The following CACNA1B variants were observed in gnomAD, a reference collection of about 807,000 sequenced individuals.
CACNA1B encodes the protein calcium voltage-gated channel subunit alpha1 B, also known as voltage-dependent N-type calcium channel subunit alpha-1B.
In CACNA1B, 70 loss-of-function variants were observed where a neutral mutation model predicts 247.2. That is an observed-to-expected ratio of 0.28 (90% confidence interval 0.23 to 0.35). The LOEUF is 0.35. CACNA1B is among the 10% of genes least tolerant of loss of function. The pLI, the probability that CACNA1B is intolerant of heterozygous loss-of-function variation, is 1.00. For synonymous variants in CACNA1B, 1,231 were observed against 1,294.4 expected (o/e 0.95, Z 1.05); for missense variants, 2,367 against 3,197.4 (o/e 0.74, Z 6.26).
rs140273102 is a variant in CACNA1B, at chr9:138,062,189, A to G, written c.4668+2452A>G. Among the ~76,000 whole-genome samples the G allele has an allele frequency of 2.4e-3, 361 of 152,224 alleles. 1 individual carries two copies. The highest frequency in any genetic ancestry group is 4.0e-3 in the Non-Finnish European group (275 of 68,012). The stretch of plus-strand genomic sequence containing the variant: ...CCTAGGACCCTGTTATCCTCAGCAC[A>G]GGCAACTTGTTTTCCCCCCCACACA... On this transcript the variant is annotated intron_variant, in intron 31 of 46. Coordinates refer to ENST00000371372, the MANE Select transcript of CACNA1B (RefSeq NM_000718.4).
chr9:137,980,836 T>A (rs1193344112), intron 12 of CACNA1B, among the ~76,000 whole-genome samples: 1 of 152,232 alleles, frequency 6.6e-6, no homozygotes, highest in Non-Finnish European at 1.5e-5. Context: ...AAATACATGT[T>A]ATTTTTTTTA....
intron 10 of CACNA1B, among the ~76,000 whole-genome samples, chr9:137,969,232 T>C (rs894668105): frequency 7.2e-5 from 11 of 152,240 alleles, no homozygotes; most frequent in African/African-American, 2.7e-4. Flanking sequence ...CTCAGTCCCC[T>C]GGCTCTGGCG....
Position 138,057,007 on chromosome 9 carries a change from C to T in CACNA1B, c.3969-725C>T, listed in dbSNP as rs1438387991. On this transcript the variant is annotated intron_variant, in intron 26 of 46. Coordinates refer to ENST00000371372, the MANE Select transcript of CACNA1B (RefSeq NM_000718.4). The surrounding 1 kb of genome is among the most constrained non-coding windows in gnomAD (Gnocchi z 4.0). ...CTGGAGTGCAGTGGCGCGATCTCGG[C>T]TCACTGCAGGCTCCACCTCCCGGGT... Among the ~76,000 whole-genome samples, 1 of 146,072 alleles carries T rather than the reference C, an allele frequency of 6.8e-6. No individual in the cohort carries two copies. The highest frequency in any genetic ancestry group is 1.5e-5 in the Non-Finnish European group (1 of 67,508).
chr9:137,986,054 T>C lies in CACNA1B; in HGVS notation c.1770-359T>C, dbSNP rs918061977. 6.6e-6 allele frequency among the ~76,000 whole-genome samples: 1 copy of C among 152,140 alleles called. No homozygotes were observed. The highest frequency in any genetic ancestry group is 2.4e-5 in the African/African-American group (1 of 41,434). Reference sequence around the variant, plus strand: ...TCACATGGCACTGGTCTGAGACACTTGGTGGCTGACTGGGTGTTGAGGAGT... The same window carrying C: ...TCACATGGCACTGGTCTGAGACACTCGGTGGCTGACTGGGTGTTGAGGAGT... On this transcript the variant is annotated intron_variant, in intron 13 of 46. Coordinates refer to ENST00000371372, the MANE Select transcript of CACNA1B (RefSeq NM_000718.4). The surrounding 1 kb of genome is among the most constrained non-coding windows in gnomAD (Gnocchi z 6.0).
intron 3 of CACNA1B, among the ~76,000 whole-genome samples, chr9:137,905,366 A>T (rs1473796482): frequency 6.6e-6 from 1 of 152,126 alleles, no homozygotes; most frequent in Non-Finnish European, 1.5e-5. Context: ...AAAAAAAAAA[A>T]AACTTTTAGA....
chr9:138,090,531 A>G (rs1960840234), intron 36 of CACNA1B, among the ~76,000 whole-genome samples: 2 of 152,054 alleles, frequency 1.3e-5, no homozygotes, highest in South Asian at 4.1e-4. Flanking sequence ...GAGCACAGGC[A>G]ACCAAAGCAC....
Position 138,011,057 on chromosome 9 carries a change from C to G in CACNA1B, c.2160+980C>G, listed in dbSNP as rs1958717958. Among the ~76,000 whole-genome samples the G allele has an allele frequency of 6.6e-6, 1 of 152,206 alleles. No individual in the cohort carries two copies. The highest frequency in any genetic ancestry group is 6.5e-5 in the Admixed American group (1 of 15,290). On this transcript the variant is annotated intron_variant, in intron 17 of 46. Coordinates refer to ENST00000371372, the MANE Select transcript of CACNA1B (RefSeq NM_000718.4). The surrounding 1 kb of genome is among the most constrained non-coding windows in gnomAD (Gnocchi z 4.2). ...TGCTTCTGCTCAGCCTTCTTACTCC[C>G]ACGCCTCCAGACCTGGGCCATGGCC...
At chr9:137,999,331 A>T (rs1351856285) in intron 15 of CACNA1B, among the ~76,000 whole-genome samples, 1 of 152,214 alleles carries the variant, frequency 6.6e-6, no homozygotes, top group East Asian at 1.9e-4. Flanking sequence ...GTCATTTAAT[A>T]TCTTTCCCAT....
intron 10 of CACNA1B, among the ~76,000 whole-genome samples, chr9:137,967,795 C>G (rs1455241027): frequency 6.6e-6 from 1 of 152,200 alleles, no homozygotes; most frequent in Non-Finnish European, 1.5e-5. Context: ...ACTGCAGGCT[C>G]AGGGCCCCTC....
In CACNA1B at chr9:138,052,053, G is replaced by A. The variant is rs1444378253; in HGVS notation, c.3711-39G>A. 2.5e-6 allele frequency: 3 copies of A among 1,221,626 alleles called. No individual in the cohort carries two copies. The highest frequency in any genetic ancestry group is 4.7e-5 in the East Asian group (2 of 42,324). The allele number at this position is 1,221,626 out of a possible 1,614,324, so 75.7% of individuals were successfully genotyped here. A position where few individuals can be genotyped will look rare whatever the true frequency, so the allele number is the denominator to read the frequency against. On this transcript the variant is annotated intron_variant, in intron 24 of 46. Transcript: ENST00000371372. The surrounding 1 kb of genome is among the most constrained non-coding windows in gnomAD (Gnocchi z 5.1). Reference sequence around the variant, plus strand: ...CCACGTGGGAGCTGGGCACACCCATGCCTCCTGCCTGTCTGCATCTGTGGC... The same window carrying A: ...CCACGTGGGAGCTGGGCACACCCATACCTCCTGCCTGTCTGCATCTGTGGC...
At chr9:137,903,342 A>G (rs1288895276) in intron 3 of CACNA1B, among the ~76,000 whole-genome samples, 1 of 152,112 alleles carries the variant, frequency 6.6e-6, no homozygotes, top group Non-Finnish European at 1.5e-5. Flanking sequence ...GCCGAGATTG[A>G]GCCACTGCAC....
chr9:138,067,931 C>T lies in CACNA1B; in HGVS notation c.4669-1827C>T, dbSNP rs149914773. 3.2e-4 allele frequency among the ~76,000 whole-genome samples: 48 copies of T among 152,316 alleles called. No homozygotes were observed. In the East Asian group the frequency reaches 8.9e-3, roughly 28 times the overall value. On this transcript the variant is annotated intron_variant, in intron 31 of 46. Transcript: ENST00000371372. ...CAAACAGAGGCATCTGAGTGCCCAT[C>T]GGTAACAGAATGTGCCAGTTGTTAG... is the stretch of plus-strand genomic sequence containing the variant.
chr9:138,089,609 A>G (rs1435263968), intron 36 of CACNA1B, among the ~76,000 whole-genome samples: 1 of 152,216 alleles, frequency 6.6e-6, no homozygotes, highest in African/African-American at 2.4e-5. Context: ...CACTTTCACA[A>G]CTTTTATTCA....
At chr9:138,118,584 T>G in intron 43 of CACNA1B, 68 bp from the exon 44 acceptor site, 1 of 759,478 alleles carries the variant, frequency 1.3e-6, no homozygotes, top group East Asian at 2.8e-5. Flanking sequence ...ATGGAGTGAG[T>G]CCGGGGTGGG....
chr9:137,894,302 ATTTTTTTT>A (rs56794355), intron 3 of CACNA1B, among the ~76,000 whole-genome samples: 14 of 96,074 alleles, frequency 1.5e-4, no homozygotes, highest in African/African-American at 4.6e-4. Flanking sequence ...TTGTCTCTGT[ATTTTTTTT>A]TTTTTTTTTT....
At chr9:138,000,160 G>A (rs1357143929) in intron 15 of CACNA1B, among the ~76,000 whole-genome samples, 2 of 150,498 alleles carry the variant, frequency 1.3e-5, no homozygotes, top group South Asian at 2.1e-4. Context: ...GTGCAGTGGT[G>A]CGATCTCGGC....
intron 31 of CACNA1B, among the ~76,000 whole-genome samples, chr9:138,061,548 G>A (rs1399254070): frequency 6.6e-6 from 1 of 152,160 alleles, no homozygotes; most frequent in Non-Finnish European, 1.5e-5. Context: ...TGCCTTTAAG[G>A]TCAGGGCAGC....
At position 138,023,787 on chromosome 9, in the gene CACNA1B, A is replaced by C. The variant is rs1415231278; in HGVS notation, c.3044A>C (p.Lys1015Thr). The change falls in exon 19 of 47, where the codon AAG (lysine) becomes ACG (threonine). Residue 1015 changes from lysine (K) to threonine (T), a missense_variant. Coordinates refer to ENST00000371372, the MANE Select transcript of CACNA1B (RefSeq NM_000718.4). ...EAEIVEADKE[K>T]ELRNHQPREP... ...GAGATAGTGGAAGCCGACAAGGAAA[A>C]GGAGCTCCGGAACCACCAGCCCCGG... 6.8e-7 allele frequency: 1 copy of C among 1,474,230 alleles called. No individual in the cohort carries two copies. Among genetic ancestry groups the C allele is most frequent in the East Asian group, 2.5e-5 (1 of 40,302 alleles). The allele number at this position is 1,474,230 out of a possible 1,614,324, so 91.3% of individuals were successfully genotyped here. A position where few individuals can be genotyped will look rare whatever the true frequency, so the allele number is the denominator to read the frequency against.
chr9:137,934,574 C>G (rs1957643407), intron 6 of CACNA1B, among the ~76,000 whole-genome samples: 2 of 152,208 alleles, frequency 1.3e-5, no homozygotes, highest in Non-Finnish European at 2.9e-5. Context: ...ATTGCTCCAG[C>G]AGGACCTGGG....
Sources: allele counts gnomAD v4.1 joint callset (sites outside exome capture counted in the v4.1 genomes callset), GRCh38; gene constraint gnomAD v4.1.1; non-coding constraint Gnocchi (gnomAD v3.1); transcripts MANE v1.5; gene names NCBI Gene and HGNC (gene_info 2026-07-23, HGNC 2026-07-21).